The following GRB10 variants were observed in gnomAD, a reference collection of about 807,000 sequenced individuals.
GRB10 encodes growth factor receptor bound protein 10.
In GRB10, 20 loss-of-function variants were observed where a neutral mutation model predicts 80.9. The observed-to-expected ratio is 0.25, with a 90% confidence interval of 0.17 to 0.36. The LOEUF is 0.36. GRB10 is among the 10% of genes least tolerant of loss of function. The pLI is 1.00. For synonymous variants in GRB10, 291 were observed against 291.5 expected (o/e 1.00, Z 0.02); for missense variants, 548 against 747.7 (o/e 0.73, Z 3.12).
intron 3 of GRB10, among the ~76,000 whole-genome samples, chr7:50,749,119 T>TTTGTTTTG (rs1186541129): frequency 1.3e-5 from 1 of 75,844 alleles, no homozygotes; most frequent in Non-Finnish European, 3.9e-5. Context: ...TTTGTTTTGT[T>TTTGTTTTG]TTGTTTTTTT....
chr7:50,687,731 C>T (rs976912187), intron 5 of GRB10, among the ~76,000 whole-genome samples: 1 of 152,188 alleles, frequency 6.6e-6, no homozygotes, highest in African/African-American at 2.4e-5. Context: ...CAGTCTCCCC[C>T]TCAGTACCTT....
intron 7 of GRB10, among the ~76,000 whole-genome samples, chr7:50,638,107 C>T (rs1451467801): frequency 3.9e-5 from 6 of 152,156 alleles, no homozygotes; most frequent in Non-Finnish European, 2.9e-5. Context: ...CTGTCTCTCA[C>T]CAGGTACAAA....
chr7:50,619,347 A>T (rs2051233830), intron 8 of GRB10, 62 bp from the exon 9 acceptor site: 3 of 926,408 alleles, frequency 3.2e-6, no homozygotes, highest in African/African-American at 3.2e-5. Flanking sequence ...TAGCTTTACA[A>T]CCAAATGGAA....
chr7:50,642,577 T>G (rs571048437), intron 7 of GRB10, among the ~76,000 whole-genome samples: 126 of 152,334 alleles, frequency 8.3e-4, no homozygotes, highest in African/African-American at 2.4e-3. Flanking sequence ...AATCTGACAC[T>G]TTTTAAGTGC....
chr7:50,602,926 G>A (rs1303378183), intron 17 of GRB10, among the ~76,000 whole-genome samples: 6 of 152,066 alleles, frequency 3.9e-5, no homozygotes, highest in African/African-American at 9.7e-5. Context: ...GAGGAGAAAA[G>A]GGAAAAGAGA....
rs2062439411 is a variant in GRB10, at chr7:50,688,944, A to G, written c.140-14286T>C. Among the ~76,000 whole-genome samples, 2 of 152,168 alleles carry G rather than the reference A, an allele frequency of 1.3e-5. 1 individual carries two copies. The highest frequency in any genetic ancestry group is 4.1e-4 in the South Asian group (2 of 4,830). On this transcript the variant is annotated intron_variant, in intron 5 of 18. Coordinates refer to ENST00000401949, the MANE Select transcript of GRB10 (RefSeq NM_001350814.2). Reference sequence around the variant, plus strand: ...CAGGGGCATACTGTGAGTCTGTGACAGGAAGTACTCCCAACCAAGGAGAGC... The same window carrying G: ...CAGGGGCATACTGTGAGTCTGTGACGGGAAGTACTCCCAACCAAGGAGAGC...
intron 11 of GRB10, 93 bp downstream of exon 11, chr7:50,616,117 G>C (rs764158392): frequency 7.1e-7 from 1 of 1,404,862 alleles, no homozygotes; most frequent in Non-Finnish European, 1.0e-6. Flanking sequence ...AGTCTAAGGT[G>C]CATTTAAAAA....
At chr7:50,721,859 G>GC (rs1328067329) in intron 4 of GRB10, among the ~76,000 whole-genome samples, 1 of 152,230 alleles carries the variant, frequency 6.6e-6, no homozygotes, top group Non-Finnish European at 1.5e-5. Context: ...GCTCCATGGG[G>GC]GTGTGGCAGG....
At chr7:50,658,319 G>C (rs939122875) in intron 7 of GRB10, among the ~76,000 whole-genome samples, 2 of 152,218 alleles carry the variant, frequency 1.3e-5, no homozygotes, top group Non-Finnish European at 2.9e-5. Context: ...CTGTCAGGTA[G>C]GTAAATTGGG....
chr7:50,600,047 T>C (rs1379051281), intron 17 of GRB10, among the ~76,000 whole-genome samples: 1 of 152,074 alleles, frequency 6.6e-6, no homozygotes, highest in Non-Finnish European at 1.5e-5. Flanking sequence ...AAGCCTCCTG[T>C]GGAAGTGCCA....
intron 2 of GRB10, among the ~76,000 whole-genome samples, chr7:50,763,796 C>T (rs987506078): frequency 6.6e-6 from 1 of 152,226 alleles, no homozygotes; most frequent in Admixed American, 6.5e-5. Flanking sequence ...CTGCTGCCAA[C>T]TCCAGGCCTC....
At chr7:50,764,219 G>A (rs1235546908) in intron 2 of GRB10, among the ~76,000 whole-genome samples, 1 of 152,208 alleles carries the variant, frequency 6.6e-6, no homozygotes, top group Non-Finnish European at 1.5e-5. Flanking sequence ...TCCACCCTGA[G>A]GGATCAGGCC....
At chr7:50,792,265 T>C (rs1044666755) in intron 1 of GRB10, among the ~76,000 whole-genome samples, 1 of 151,076 alleles carries the variant, frequency 6.6e-6, no homozygotes, top group Non-Finnish European at 1.5e-5. Context: ...TGAATGAAAC[T>C]GGGCACCAAG....
intron 7 of GRB10, among the ~76,000 whole-genome samples, chr7:50,668,429 G>A (rs966914875): frequency 6.6e-6 from 1 of 152,160 alleles, no homozygotes; most frequent in Non-Finnish European, 1.5e-5. Flanking sequence ...AATCAGCACA[G>A]TGGCTGCAAT....
chr7:50,626,301 T>C (rs1436012633), intron 8 of GRB10, among the ~76,000 whole-genome samples: 1 of 152,266 alleles, frequency 6.6e-6, no homozygotes, highest in African/African-American at 2.4e-5. Context: ...AGATGCCATG[T>C]AAGACTCAAC....
intron 5 of GRB10, among the ~76,000 whole-genome samples, chr7:50,689,321 A>G (rs928641382): frequency 2.0e-5 from 3 of 152,242 alleles, no homozygotes; most frequent in Non-Finnish European, 2.9e-5. Context: ...ATTATTTTTC[A>G]GTGCATTTAA....
chr7:50,765,868 G>C (rs950906405), intron 2 of GRB10, among the ~76,000 whole-genome samples: 2 of 152,130 alleles, frequency 1.3e-5, no homozygotes, highest in East Asian at 1.9e-4. Flanking sequence ...TATTTAAGGT[G>C]GTGGGTATAT....
In GRB10 at chr7:50,608,209, T is replaced by C. The variant is rs547463514; in HGVS notation, c.1195-1795A>G. ...TGCTGAGAAACAGACACAAAGAAAA[T>C]GTCAAAAACAACCAGAGGAAAACGT... On this transcript the variant is annotated intron_variant, in intron 13 of 18. Transcript: ENST00000401949. 2.6e-5 allele frequency among the ~76,000 whole-genome samples: 4 copies of C among 152,030 alleles called. No individual in the cohort carries two copies. In the South Asian group the frequency reaches 8.3e-4, roughly 32 times the overall value.
At chr7:50,734,965 A>T (rs778759710) in intron 3 of GRB10, among the ~76,000 whole-genome samples, 2 of 152,238 alleles carry the variant, frequency 1.3e-5, no homozygotes, top group Non-Finnish European at 2.9e-5. Flanking sequence ...GAGCACTGAG[A>T]CAAGAAAAAG....
Sources: allele counts gnomAD v4.1 joint callset (sites outside exome capture counted in the v4.1 genomes callset), GRCh38; gene constraint gnomAD v4.1.1; transcripts MANE v1.5; gene names NCBI Gene and HGNC (gene_info 2026-07-23, HGNC 2026-07-21).